Variants in APBA2 observed in about 807,000 individuals in gnomAD.
The protein encoded by APBA2 is amyloid-beta A4 precursor protein-binding family A member 2.
APBA2 carries 30 observed loss-of-function variants against 75.0 expected under a neutral mutation model. The ratio of observed to expected loss-of-function variants is 0.40; its 90% CI spans 0.30 to 0.54. APBA2 has a LOEUF of 0.54. Among genes scored for constraint, APBA2 ranks in the 20% least tolerant of loss-of-function variants. The probability of loss-of-function intolerance (pLI) is 0.49; values close to 1 mark genes in which losing one functional copy is unlikely to be tolerated. For missense variants in APBA2, 801 were observed against 1,016.1 expected (o/e 0.79, Z 2.88); for synonymous variants, 444 against 409.6 (o/e 1.08, Z -1.01).
chr15:29,069,711 T>G (rs1279101957), intron 4 of APBA2, among the ~76,000 whole-genome samples: 2 of 152,228 alleles, frequency 1.3e-5, no homozygotes, highest in Admixed American at 6.5e-5. Context: ...GTCAGGGTCT[T>G]TGTTGCATGC....
chr15:29,068,361 T>C (rs555100508), intron 4 of APBA2, among the ~76,000 whole-genome samples: 1 of 152,288 alleles, frequency 6.6e-6, no homozygotes, highest in East Asian at 1.9e-4. Flanking sequence ...TTAGAAAGGG[T>C]TGATGAAGAT....
At chr15:29,114,276 A>G (rs1369194223) in intron 14 of APBA2, among the ~76,000 whole-genome samples, 1 of 152,170 alleles carries the variant, frequency 6.6e-6, no homozygotes, top group Non-Finnish European at 1.5e-5. Context: ...CTGGACCTGT[A>G]TGTCCAGTTC....
intron 2 of APBA2, among the ~76,000 whole-genome samples, chr15:28,958,266 G>C (rs1429916004): frequency 6.6e-6 from 1 of 152,204 alleles, no homozygotes; most frequent in Non-Finnish European, 1.5e-5. Context: ...GGCCATAATA[G>C]CAACGTGGCT....
chr15:28,940,552 C>CA (rs368324458), intron 2 of APBA2, among the ~76,000 whole-genome samples: 2,098 of 114,292 alleles, frequency 0.018, 72 homozygotes, highest in African/African-American at 0.061. Flanking sequence ...GACTCTGTAT[C>CA]AAAAAAAAAG....
intron 2 of APBA2, chr15:28,990,467 C>G (rs1160959866): frequency 6.6e-6 from 1 of 151,718 alleles, no homozygotes; most frequent in African/African-American, 2.4e-5. Flanking sequence ...AAGTGAGCCT[C>G]AGATAACTTT....
chr15:28,909,429 A>G (rs552755187), intron 1 of APBA2, among the ~76,000 whole-genome samples: 1 of 152,350 alleles, frequency 6.6e-6, no homozygotes, highest in African/African-American at 2.4e-5. Flanking sequence ...GTGTTGTAGC[A>G]TGCGTCAGAA....
At chr15:28,928,895 T>A (rs566943205) in intron 2 of APBA2, among the ~76,000 whole-genome samples, 21 of 152,252 alleles carry the variant, frequency 1.4e-4, no homozygotes, top group African/African-American at 5.1e-4. Context: ...CTGCAGCAAT[T>A]TGTCAGAATT....
chr15:28,945,067 A>G (rs935506399), intron 2 of APBA2, among the ~76,000 whole-genome samples: 1 of 152,216 alleles, frequency 6.6e-6, no homozygotes, highest in Non-Finnish European at 1.5e-5. Flanking sequence ...GCTTCTTCCC[A>G]GCACACCACA....
intron 3 of APBA2, among the ~76,000 whole-genome samples, chr15:29,043,849 G>T (rs1317179256): frequency 6.6e-6 from 1 of 152,182 alleles, no homozygotes; most frequent in Non-Finnish European, 1.5e-5. Context: ...GTTTTTGGAA[G>T]ATTAATTTAT....
Position 29,106,809 on chromosome 15 carries a change from G to A in APBA2, c.1907G>A (p.Gly636Asp). The change falls in exon 12 of 15, where the codon GGC becomes GAC. Residue 636 changes from glycine to aspartate, a missense_variant. Around this residue, in one of 2 missense-constraint regions of APBA2, gnomAD observed 367 missense variants for 544.5 expected, o/e 0.67. Coordinates refer to ENST00000683413, the MANE Select transcript of APBA2 (RefSeq NM_001353788.2). ...GGGCTGCCCCTCGCCACCTGCCAAG[G>A]CATCATCAAGGTAGGCACCCTGGGA... ...LVGLPLATCQGIIKGLKNQTQ... is the reference protein window; with the variant it reads ...LVGLPLATCQDIIKGLKNQTQ... 6.2e-7 allele frequency: 1 copy of A among 1,612,808 alleles called. No homozygotes were observed. The highest frequency in any genetic ancestry group is 8.5e-7 in the Non-Finnish European group (1 of 1,179,802).
intron 4 of APBA2, among the ~76,000 whole-genome samples, chr15:29,060,195 T>A (rs1295880905): frequency 1.3e-5 from 2 of 152,156 alleles, no homozygotes; most frequent in Non-Finnish European, 2.9e-5. Flanking sequence ...TTGTGTAAAG[T>A]CCGTGGGTGC....
chr15:28,964,404 C>G (rs2036628638), intron 2 of APBA2, among the ~76,000 whole-genome samples: 1 of 151,698 alleles, frequency 6.6e-6, no homozygotes, highest in South Asian at 2.1e-4. Flanking sequence ...TTTCTGATGC[C>G]TAATAATGTT....
intron 3 of APBA2, among the ~76,000 whole-genome samples, chr15:29,044,678 G>A (rs904509882): frequency 2.6e-5 from 4 of 152,166 alleles, no homozygotes; most frequent in Admixed American, 2.6e-4. Flanking sequence ...AAGGGTCCTG[G>A]ATAAAGGCTC....
rs12439584 is a variant in APBA2 at position 29,025,678 on chromosome 15, G to A, written c.-40-28167G>A. 0.021 allele frequency among the ~76,000 whole-genome samples: 3,176 copies of A among 151,844 alleles called. 244 individuals are homozygous for A. The East Asian group carries it at 0.22, about 11-fold the overall frequency. On this transcript the variant is annotated intron_variant, in intron 3 of 14. Transcript: ENST00000683413. ...GAGATGGTCCAGTGATGGGCTGGGCGTGGTGGCTCACGCCTATAATCCCAG... is the reference window on the plus strand; with the variant it reads ...GAGATGGTCCAGTGATGGGCTGGGCATGGTGGCTCACGCCTATAATCCCAG...
intron 9 of APBA2, 117 bp downstream of exon 9, chr15:29,098,693 C>A: frequency 1.1e-6 from 1 of 881,868 alleles, no homozygotes; most frequent in Non-Finnish European, 1.8e-6. Context: ...CTGCGCCCAT[C>A]AACCCAAGGC....
intron 3 of APBA2, among the ~76,000 whole-genome samples, chr15:29,039,042 T>TA (rs1471418889): frequency 4.6e-5 from 7 of 151,076 alleles, no homozygotes; most frequent in Admixed American, 1.3e-4. Flanking sequence ...AGCGGGGAGA[T>TA]ATGCTGCCTT....
chr15:29,056,407 G>A (rs1166159304), intron 4 of APBA2, among the ~76,000 whole-genome samples: 2 of 152,120 alleles, frequency 1.3e-5, no homozygotes, highest in Non-Finnish European at 1.5e-5. Flanking sequence ...GAATGAAAAA[G>A]TATGTCACTT....
chr15:29,009,844 G>C (rs1277386866), intron 3 of APBA2, among the ~76,000 whole-genome samples: 2 of 152,008 alleles, frequency 1.3e-5, no homozygotes, highest in Non-Finnish European at 2.9e-5. Context: ...TTCTAGTTTT[G>C]GGTCATGATT....
At chr15:28,913,553 C>G in intron 1 of APBA2, among the ~76,000 whole-genome samples, 1 of 152,154 alleles carries the variant, frequency 6.6e-6, no homozygotes, top group Non-Finnish European at 1.5e-5. Context: ...TAGTCCACCA[C>G]CAGGAGGTAG....
Sources: gnomAD v4.1 joint callset for allele counts (sites outside exome capture counted in the v4.1 genomes callset) on GRCh38, gnomAD v4.1.1 for gene constraint, gnomAD v4.1.1 regional missense constraint, MANE v1.5 for transcripts, NCBI Gene and HGNC (gene_info 2026-07-23, HGNC 2026-07-21) for gene names.